PTPN9: variants seen among roughly 807,000 people sequenced by gnomAD.
PTPN9 encodes the protein tyrosine-protein phosphatase non-receptor type 9.
A neutral mutation model predicts 69.8 loss-of-function variants in PTPN9; 26 were observed. The observed-to-expected ratio is 0.37, with a 90% CI of 0.27 to 0.52. PTPN9 has a LOEUF of 0.52. Among genes scored for constraint, PTPN9 ranks in the 20% least tolerant of loss-of-function variants. PTPN9 has a pLI of 0.91. For synonymous variants in PTPN9, 274 were observed against 272.5 expected (o/e 1.01, Z -0.05); for missense variants, 549 against 740.3 (o/e 0.74, Z 3.00).
At chr15:75,476,504 G>C (rs1467189639) in intron 9 of PTPN9, among the ~76,000 whole-genome samples, 1 of 152,054 alleles carries the variant, frequency 6.6e-6, no homozygotes, top group East Asian at 1.9e-4. Flanking sequence ...TAGTAGAGAG[G>C]GGGTTTCATC....
At position 75,473,728 on chromosome 15, in the gene PTPN9, A is replaced by G. The variant is rs1255330227; in HGVS notation, c.1169T>C (p.Val390Ala). 6.3e-7 allele frequency: 1 copy of G among 1,587,604 alleles called. No homozygotes were observed. Among genetic ancestry groups the G allele is most frequent in the East Asian group, 2.2e-5 (1 of 44,734 alleles). The part of the protein sequence containing the change: ...ENTYRDFWLM[V>A]WEQKVLVIVM... ...AATCACCAAGACTTTTTGCTCCCAT[A>G]CCATGAGCCAGAAATCACGATAGGT... The change falls in exon 10 of 13, where the codon GTA (valine) becomes GCA (alanine). Residue 390 changes from valine (V) to alanine (A), a missense_variant. This residue lies in a region of PTPN9 where 457 missense variants were observed against 661.9 expected (regional missense o/e 0.69). Coordinates refer to ENST00000618819, the MANE Select transcript of PTPN9 (RefSeq NM_002833.4).
At chr15:75,564,488 C>T (rs1218797768) in intron 1 of PTPN9, among the ~76,000 whole-genome samples, 1 of 150,524 alleles carries the variant, frequency 6.6e-6, no homozygotes, top group Non-Finnish European at 1.5e-5. Flanking sequence ...CCCAGCTACT[C>T]GGGAGGCTGA....
chr15:75,474,119 C>T (rs2074583530), intron 9 of PTPN9, among the ~76,000 whole-genome samples: 2 of 152,206 alleles, frequency 1.3e-5, no homozygotes, highest in South Asian at 4.1e-4. Flanking sequence ...TTTCATCTCA[C>T]CTAAGCTTCA....
intron 7 of PTPN9, among the ~76,000 whole-genome samples, chr15:75,500,521 G>A (rs1477517720): frequency 6.6e-6 from 1 of 152,174 alleles, no homozygotes; most frequent in East Asian, 1.9e-4. Flanking sequence ...CTGGGTGATG[G>A]AGTGAGACTG....
intron 1 of PTPN9, among the ~76,000 whole-genome samples, chr15:75,549,479 G>C (rs1283442245): frequency 4.6e-5 from 7 of 152,276 alleles, no homozygotes; most frequent in Admixed American, 3.9e-4. Flanking sequence ...TGGGATTACA[G>C]GTGTAAGCCA....
chr15:75,483,360 A>G lies in PTPN9; in HGVS notation c.1063-3446T>C, dbSNP rs371172809. ...TGAATAAAAGTGGTATATCCATACAATGGAATATTATTTGGCAGTAAAAAG... is the reference window on the plus strand; with the variant it reads ...TGAATAAAAGTGGTATATCCATACAGTGGAATATTATTTGGCAGTAAAAAG... On this transcript the variant is annotated intron_variant, in intron 8 of 12. Transcript: ENST00000618819. Among the ~76,000 whole-genome samples the G allele has an allele frequency of 5.9e-5, 9 of 152,378 alleles. No homozygotes were observed. In the East Asian group the frequency reaches 1.7e-3, roughly 29 times the overall value.
intron 1 of PTPN9, among the ~76,000 whole-genome samples, chr15:75,563,816 TAG>T (rs1422603508): frequency 2.0e-5 from 3 of 152,120 alleles, no homozygotes; most frequent in Non-Finnish European, 4.4e-5. Flanking sequence ...TCCTCAAGGA[TAG>T]AGAGCTCCAA....
intron 7 of PTPN9, among the ~76,000 whole-genome samples, chr15:75,491,920 A>G (rs1336827342): frequency 2.0e-5 from 3 of 152,160 alleles, no homozygotes; most frequent in Non-Finnish European, 4.4e-5. Flanking sequence ...TCTTTTTGGG[A>G]CAGGGTCTCA....
At chr15:75,535,493 G>A (rs1311884884) in intron 1 of PTPN9, among the ~76,000 whole-genome samples, 1 of 152,110 alleles carries the variant, frequency 6.6e-6, no homozygotes, top group Admixed American at 6.6e-5. Flanking sequence ...ACTATGGAGA[G>A]GTCTCAATAC....
intron 1 of PTPN9, among the ~76,000 whole-genome samples, chr15:75,570,597 C>T (rs976948346): frequency 1.3e-5 from 2 of 151,848 alleles, no homozygotes; most frequent in African/African-American, 4.8e-5. Context: ...TGGTAAAACC[C>T]CCCTCTACAA....
rs528030803 is a variant in PTPN9, at chr15:75,571,512, T to C, written c.63+7202A>G. On this transcript the variant is annotated intron_variant, in intron 1 of 12. Coordinates refer to ENST00000618819, the MANE Select transcript of PTPN9 (RefSeq NM_002833.4). Reference sequence around the variant, plus strand: ...GTGGCTCACGCCTGTACTCCCAGCATTTTGGGAGGCCAAGGTGGGTAGACT... The same window carrying C: ...GTGGCTCACGCCTGTACTCCCAGCACTTTGGGAGGCCAAGGTGGGTAGACT... Among the ~76,000 whole-genome samples the C allele has an allele frequency of 1.6e-4, 24 of 151,992 alleles. No individual in the cohort carries two copies. In the South Asian group the frequency reaches 1.9e-3, roughly 12 times the overall value.
intron 5 of PTPN9, among the ~76,000 whole-genome samples, chr15:75,509,269 C>T (rs1215572744): frequency 1.3e-5 from 2 of 152,206 alleles, no homozygotes; most frequent in Non-Finnish European, 2.9e-5. Context: ...GGATCAAAAA[C>T]TATTCTGACT....
chr15:75,544,999 A>G lies in PTPN9; in HGVS notation c.64-17738T>C, dbSNP rs935550154. ...AGCCTAAATCCTACTTCATCCTATA[A>G]ATTTCTACTGCTTTCCAGCCAAGCA... On this transcript the variant is annotated intron_variant, in intron 1 of 12. Coordinates refer to ENST00000618819, the MANE Select transcript of PTPN9 (RefSeq NM_002833.4). Among the ~76,000 whole-genome samples, 9 of 152,264 alleles carry G rather than the reference A, an allele frequency of 5.9e-5. No homozygotes were observed. In the East Asian group the frequency reaches 1.5e-3, roughly 26 times the overall value.
intron 3 of PTPN9, among the ~76,000 whole-genome samples, 170 bp from the exon 4 acceptor site, chr15:75,523,415 T>C (rs886801756): frequency 1.3e-5 from 2 of 152,138 alleles, no homozygotes; most frequent in African/African-American, 2.4e-5. Context: ...TATCATCCTT[T>C]GTCTGATTCT....
intron 1 of PTPN9, among the ~76,000 whole-genome samples, chr15:75,572,502 G>A (rs1267114055): frequency 6.6e-6 from 1 of 152,074 alleles, no homozygotes; most frequent in African/African-American, 2.4e-5. Context: ...TTGAGATCAG[G>A]AGTTGGAGAC....
intron 7 of PTPN9, among the ~76,000 whole-genome samples, chr15:75,493,523 G>A (rs2074722838): frequency 6.6e-6 from 1 of 152,116 alleles, no homozygotes; most frequent in African/African-American, 2.4e-5. Context: ...CACTTTGGGA[G>A]GCTGGGGTGG....
intron 1 of PTPN9, among the ~76,000 whole-genome samples, chr15:75,549,671 G>A (rs1395039012): frequency 6.6e-6 from 1 of 152,098 alleles, no homozygotes; most frequent in East Asian, 1.9e-4. Flanking sequence ...CCATAATGAG[G>A]CAAGGCTTGT....
chr15:75,543,925 C>T (rs1161513137), intron 1 of PTPN9, among the ~76,000 whole-genome samples: 7 of 152,106 alleles, frequency 4.6e-5, no homozygotes, highest in Non-Finnish European at 1.0e-4. Flanking sequence ...AGCTGTTTCA[C>T]GAACTGCTAG....
chr15:75,470,938 A>G, intron 10 of PTPN9, 108 bp from the exon 11 acceptor site: 1 of 1,320,838 alleles, frequency 7.6e-7, no homozygotes, highest in Non-Finnish European at 1.0e-6. Flanking sequence ...CATCTCTTGC[A>G]TTGCTTCTAA....
Sources: gnomAD v4.1 joint callset for allele counts (sites outside exome capture counted in the v4.1 genomes callset) on GRCh38, gnomAD v4.1.1 for gene constraint, gnomAD v4.1.1 regional missense constraint, MANE v1.5 for transcripts, NCBI Gene and HGNC (gene_info 2026-07-23, HGNC 2026-07-21) for gene names.